The following CDH23 variants were observed in gnomAD, a reference collection of about 807,000 sequenced individuals.
CDH23 encodes the protein cadherin related 23.
A neutral mutation model predicts 317.1 loss-of-function variants in CDH23; 189 were observed. The ratio of observed to expected loss-of-function variants is 0.60; its 90% confidence interval spans 0.53 to 0.67. CDH23 has a LOEUF of 0.67. Among genes scored for constraint, CDH23 ranks in the 30% least tolerant of loss-of-function variants. The probability of loss-of-function intolerance (pLI) is 0.00; values close to 1 mark genes in which losing one functional copy is unlikely to be tolerated. For synonymous variants in CDH23, 1,839 were observed against 1,876.8 expected (o/e 0.98, Z 0.52); for missense variants, 4,401 against 4,592.4 (o/e 0.96, Z 1.20).
chr10:71,675,191 A>G lies in CDH23; in HGVS notation c.1514+15A>G. ...GACCCTGACAGGTGAGACTCTGCCC[A>G]CAGCCCCTCAGGCCCCTCCGCAGTG... On this transcript the variant is annotated intron_variant, in intron 15 of 69. Transcript: ENST00000224721. 1 of 1,611,782 alleles carries G rather than the reference A, an allele frequency of 6.2e-7. No homozygotes were observed. The highest frequency in any genetic ancestry group is 8.5e-7 in the Non-Finnish European group (1 of 1,177,958).
intron 34 of CDH23, among the ~76,000 whole-genome samples, chr10:71,738,162 G>A (rs1762400761): frequency 6.6e-6 from 1 of 152,166 alleles, no homozygotes; most frequent in African/African-American, 2.4e-5. Flanking sequence ...TGCTAGACCA[G>A]CATTCCTAGC....
intron 3 of CDH23, among the ~76,000 whole-genome samples, chr10:71,451,180 C>T (rs1850423364): frequency 6.6e-6 from 1 of 152,140 alleles, no homozygotes; most frequent in Non-Finnish European, 1.5e-5. Context: ...TCTCACCTCT[C>T]GGCCCTTCCA....
In CDH23 at chr10:71,677,756, G is replaced by A; in HGVS notation, c.1752+63G>A. ...CTTAGCCTTCTCCCTGTACTTGCTT[G>A]CTTGCTTCTTTTTTGTTTTTGTTTT... is the stretch of plus-strand genomic sequence containing the variant. On this transcript the variant is annotated intron_variant, in intron 16 of 69. Transcript: ENST00000224721. The A allele has an allele frequency of 3.7e-6, 5 of 1,364,606 alleles. No individual in the cohort carries two copies. In the East Asian group the frequency reaches 1.3e-4, roughly 34 times the overall value. 84.5% of individuals were successfully genotyped at this position (1,364,606 alleles called of 1,614,324 possible).
chr10:71,701,051 A>C (rs1396846702), intron 22 of CDH23, among the ~76,000 whole-genome samples: 1 of 151,962 alleles, frequency 6.6e-6, no homozygotes, highest in Non-Finnish European at 1.5e-5. Flanking sequence ...CTCTCCCCCC[A>C]CCACCACTGA....
Position 71,751,449 on chromosome 10 carries a change from T to G in CDH23, c.4845+9528T>G, listed in dbSNP as rs1363253222. 4.1e-5 allele frequency among the ~76,000 whole-genome samples: 1 copy of G among 24,208 alleles called. No individual in the cohort carries two copies. Among genetic ancestry groups the G allele is most frequent in the Non-Finnish European group, 8.1e-5 (1 of 12,402 alleles). 15.9% of individuals were successfully genotyped at this position (24,208 alleles called of 152,430 possible). A position where few individuals can be genotyped will look rare whatever the true frequency, so the allele number is the denominator to read the frequency against. ...GAGGCCGTGGAACTCTTCAGGGAGG[T>G]GAATGGGGGCCCCTCTGTCCCTCAC... On this transcript the variant is annotated intron_variant, in intron 38 of 69. Transcript: ENST00000224721. The surrounding 1 kb of genome is among the most constrained non-coding windows in gnomAD (Gnocchi z 4.9).
At position 71,800,645 on chromosome 10, in the gene CDH23, T is replaced by C. The variant is rs774644634; in HGVS notation, c.7372T>C (p.Tyr2458His). Reference sequence around the variant, plus strand: ...ACCCTCCCCCTACTAGGGTGACATCTATGTGCTGTCTTCTCTGGACCGGGA... The same window carrying C: ...ACCCTCCCCCTACTAGGGTGACATCCATGTGCTGTCTTCTCTGGACCGGGA... ...FAINPTTGDI[Y>H]VLSSLDREKK... Residue 2458 changes from tyrosine (Y) to histidine (H), a missense_variant, in exon 53 of 70, where the codon TAT (tyrosine) becomes CAT (histidine). Tyr to His is a moderately conservative substitution (Grantham distance 83). This residue lies in a region of CDH23 where 189 missense variants were observed against 250.9 expected (regional missense o/e 0.75). Transcript: ENST00000224721. 2.5e-6 allele frequency: 4 copies of C among 1,613,984 alleles called. No homozygotes were observed. Among genetic ancestry groups the C allele is most frequent in the South Asian group, 2.2e-5 (2 of 91,070 alleles).
intron 3 of CDH23, among the ~76,000 whole-genome samples, chr10:71,491,370 G>A (rs548454351): frequency 6.6e-5 from 10 of 152,292 alleles, no homozygotes; most frequent in Middle Eastern, 3.4e-3. Flanking sequence ...CAGTCACCTT[G>A]AGAGACCCTG....
chr10:71,448,275 A>G (rs562117748), intron 3 of CDH23, among the ~76,000 whole-genome samples: 1 of 152,372 alleles, frequency 6.6e-6, no homozygotes, highest in African/African-American at 2.4e-5. Context: ...GCCCTTCAGC[A>G]GGTCCTTCTC....
intron 2 of CDH23, among the ~76,000 whole-genome samples, chr10:71,442,731 A>G (rs1010604831): frequency 1.3e-5 from 2 of 151,792 alleles, no homozygotes; most frequent in Non-Finnish European, 2.9e-5. Flanking sequence ...CTGCTGGGTC[A>G]CTCCTTCTGT....
chr10:71,410,947 G>C (rs1480656369), intron 1 of CDH23, among the ~76,000 whole-genome samples: 1 of 152,156 alleles, frequency 6.6e-6, no homozygotes, highest in Non-Finnish European at 1.5e-5. Context: ...ATTTGTATGT[G>C]TGTCCTTTGG....
intron 3 of CDH23, among the ~76,000 whole-genome samples, chr10:71,498,824 T>C (rs1853116992): frequency 6.6e-6 from 1 of 152,134 alleles, no homozygotes; most frequent in Non-Finnish European, 1.5e-5. Context: ...GAGCTCCGGG[T>C]TTCTAAGAGT....
intron 34 of CDH23, chr10:71,737,806 T>C (rs1280500152): frequency 2.1e-6 from 1 of 467,912 alleles, no homozygotes; most frequent in African/African-American, 2.0e-5. Flanking sequence ...CTCTCCTGCC[T>C]CTCCACAAGA....
intron 2 of CDH23, among the ~76,000 whole-genome samples, chr10:71,444,114 T>C (rs1024996000): frequency 3.9e-5 from 6 of 152,250 alleles, no homozygotes; most frequent in African/African-American, 1.4e-4. Flanking sequence ...TCCTGTATCC[T>C]GAGCCCAAGG....
In CDH23 at chr10:71,802,829, G is replaced by A. The variant is rs1312239177; in HGVS notation, c.7483-69G>A. 5.2e-6 allele frequency: 8 copies of A among 1,541,542 alleles called. No homozygotes were observed. In the African/African-American group the frequency reaches 8.2e-5, roughly 16 times the overall value. On this transcript the variant is annotated intron_variant, in intron 53 of 69. Coordinates refer to ENST00000224721, the MANE Select transcript of CDH23 (RefSeq NM_022124.6). ...CCTTCCTCTATCCAGGCTTACTCCT[G>A]CATGACCAGGTCCGCTGAGGCTGCC... is the stretch of plus-strand genomic sequence containing the variant.
chr10:71,617,556 T>A (rs1861259266), intron 11 of CDH23, 163 bp downstream of exon 11: 17 of 1,473,840 alleles, frequency 1.2e-5, no homozygotes, highest in Non-Finnish European at 1.4e-5. Context: ...AAATCACTAG[T>A]CTCTACTTTT....
chr10:71,739,328 AC>A (rs1839671570), intron 35 of CDH23, among the ~76,000 whole-genome samples: 1 of 151,916 alleles, frequency 6.6e-6, no homozygotes, highest in South Asian at 2.1e-4. Flanking sequence ...GCGTGTGCCC[AC>A]CCCAGCAGCG....
At chr10:71,611,187 G>A (rs982119405) in intron 9 of CDH23, among the ~76,000 whole-genome samples, 7 of 152,236 alleles carry the variant, frequency 4.6e-5, no homozygotes, top group Admixed American at 2.0e-4. Context: ...AGCCCACAGC[G>A]CCTGTGGAGG....
intron 32 of CDH23, 131 bp downstream of exon 32, chr10:71,732,506 C>T (rs1193680271): frequency 7.2e-7 from 1 of 1,386,120 alleles, no homozygotes; most frequent in African/African-American, 1.4e-5. Flanking sequence ...GTGTTAGGTA[C>T]CTGTAGTCCC....
At chr10:71,682,162 C>G (rs1864679418) in intron 17 of CDH23, among the ~76,000 whole-genome samples, 1 of 152,206 alleles carries the variant, frequency 6.6e-6, no homozygotes, top group Non-Finnish European at 1.5e-5. Flanking sequence ...GCTGTGTGAC[C>G]TTGGGCAAGT....
Sources: allele counts gnomAD v4.1 joint callset (sites outside exome capture counted in the v4.1 genomes callset), GRCh38; gene constraint gnomAD v4.1.1; regional missense constraint gnomAD v4.1.1; non-coding constraint Gnocchi (gnomAD v3.1); transcripts MANE v1.5; gene names NCBI Gene and HGNC (gene_info 2026-07-23, HGNC 2026-07-21).